Variants in NSD2 observed in about 807,000 individuals in gnomAD.
NSD2 encodes histone-lysine N-methyltransferase NSD2.
A neutral mutation model predicts 139.0 loss-of-function variants in NSD2; 12 were observed. That is an observed-to-expected ratio of 0.09 (90% CI 0.06 to 0.14). The LOEUF is 0.14. NSD2 is among the 10% of genes least tolerant of loss of function. The pLI, the probability that NSD2 is intolerant of heterozygous loss-of-function variation, is 1.00. For missense variants in NSD2, 1,155 were observed against 1,745.0 expected, an observed-to-expected ratio of 0.66 and a Z score of 6.02; for synonymous variants, 669 against 648.7, an observed-to-expected ratio of 1.03 and a Z score of -0.48.
intron 1 of NSD2, among the ~76,000 whole-genome samples, chr4:1,893,536 GT>G (rs1233706276): frequency 6.8e-6 from 1 of 146,280 alleles, no homozygotes; most frequent in Non-Finnish European, 1.5e-5. Flanking sequence ...CTCTTTTTTT[GT>G]TTTTTGTTTT....
In NSD2 at chr4:1,916,954, G is replaced by A. The variant is rs1033486520; in HGVS notation, c.844G>A (p.Val282Ile). 5.0e-6 allele frequency: 8 copies of A among 1,614,126 alleles called. No homozygotes were observed. The highest frequency in any genetic ancestry group is 1.3e-5 in the African/African-American group (1 of 75,030). ...AGCTTGGATATTTGAGAAGAGCCTC[G>A]TAGCTTTTGAAGGAGAAGGACAGTT... The part of the protein sequence containing the change: ...ERAWIFEKSL[V>I]AFEGEGQFEK... Residue 282 changes from valine to isoleucine, a missense_variant, in exon 4 of 22, where the codon GTA becomes ATA. Around this residue, in one of 8 missense-constraint regions of NSD2, gnomAD observed 420 missense variants for 469.0 expected, o/e 0.90. Transcript: ENST00000508803.
In NSD2 at chr4:1,952,100, C is replaced by T; in HGVS notation, c.2014-8C>T. 2 of 1,613,554 alleles carry T rather than the reference C, an allele frequency of 1.2e-6. No individual in the cohort carries two copies. The highest frequency in any genetic ancestry group is 1.7e-6 in the Non-Finnish European group (2 of 1,179,686). Reference sequence around the variant, plus strand: ...GGCGCTGCTTACCCGCCTGCTCTGCCCCCGCAGCTGTGTGAGAAGCCGGGC... The same window carrying T: ...GGCGCTGCTTACCCGCCTGCTCTGCTCCCGCAGCTGTGTGAGAAGCCGGGC... On this transcript the variant is annotated splice_polypyrimidine_tract_variant and splice_region_variant and intron_variant, in intron 10 of 21. Transcript: ENST00000508803.
At chr4:1,934,402 A>T (rs998463708) in intron 6 of NSD2, among the ~76,000 whole-genome samples, 3 of 151,300 alleles carry the variant, frequency 2.0e-5, no homozygotes, top group Non-Finnish European at 4.4e-5. Context: ...AGATTTTTTT[A>T]AAATACTGGG....
At chr4:1,932,848 GGTGCTGTGTCGAGGAT>G (rs1193513452) in intron 6 of NSD2, among the ~76,000 whole-genome samples, 2 of 152,252 alleles carry the variant, frequency 1.3e-5, no homozygotes, top group East Asian at 3.9e-4. Flanking sequence ...GTGCTCAGGA[GGTGCTGTGTCGAGGAT>G]GTGCTGTGTC....
chr4:1,943,818 C>G (rs914907758), intron 9 of NSD2: 213 of 1,062,464 alleles, frequency 2.0e-4, no homozygotes, highest in Non-Finnish European at 2.2e-4. Flanking sequence ...AGTAAAGACT[C>G]TATCTTGAAA....
intron 1 of NSD2, among the ~76,000 whole-genome samples, chr4:1,886,884 T>C (rs970848155): frequency 6.6e-6 from 1 of 152,136 alleles, no homozygotes; most frequent in African/African-American, 2.4e-5. Context: ...AACTTCCAGA[T>C]TGATATATGT....
At chr4:1,947,388 A>G in intron 9 of NSD2, 2 of 1,061,250 alleles carry the variant, frequency 1.9e-6, no homozygotes, top group Non-Finnish European at 2.3e-6. Context: ...GCAGGTTAGA[A>G]GACGACTGTG....
rs997427644 is a variant in NSD2, at chr4:1,945,861, G to A, written c.1882-5211G>A. ...ATAGCGGTAGATGAAAAATAAGGTC[G>A]TTATGACTTTGGCAACTTGCTTCAT... On this transcript the variant is annotated intron_variant, in intron 9 of 21. Transcript: ENST00000508803. 20 of 1,061,136 alleles carry A rather than the reference G, an allele frequency of 1.9e-5. No homozygotes were observed. The South Asian group carries it at 5.5e-4, about 29-fold the overall frequency. The allele number at this position is 1,061,136 out of a possible 1,614,324, so 65.7% of individuals were successfully genotyped here.
chr4:1,872,403 G>T (rs1309196590), intron 1 of NSD2, among the ~76,000 whole-genome samples: 1 of 152,186 alleles, frequency 6.6e-6, no homozygotes, highest in African/African-American at 2.4e-5. Flanking sequence ...AAAAATGCTG[G>T]TCTTAAGTTT....
At chr4:1,903,580 A>G (rs1717477981) in intron 2 of NSD2, among the ~76,000 whole-genome samples, 1 of 152,116 alleles carries the variant, frequency 6.6e-6, no homozygotes, top group African/African-American at 2.4e-5. Flanking sequence ...ATTCTGTGAG[A>G]ATTCCTTTTC....
At chr4:1,883,049 G>T (rs1022877308) in intron 1 of NSD2, among the ~76,000 whole-genome samples, 1 of 152,118 alleles carries the variant, frequency 6.6e-6, no homozygotes, top group Non-Finnish European at 1.5e-5. Flanking sequence ...AGCTAGGAAG[G>T]CCTCTGGAGT....
At chr4:1,969,611 G>T (rs1484164796) in intron 18 of NSD2, among the ~76,000 whole-genome samples, 19 of 151,958 alleles carry the variant, frequency 1.3e-4, no homozygotes, top group Non-Finnish European at 1.5e-5. Flanking sequence ...GGAGGCTGAG[G>T]TGGGAGTATC....
At chr4:1,959,445 C>T in intron 16 of NSD2, 26 bp from the exon 17 acceptor site, 1 of 1,606,112 alleles carries the variant, frequency 6.2e-7, no homozygotes, top group Non-Finnish European at 8.5e-7. Flanking sequence ...ATGTGTGGAC[C>T]AAGACAGCTT....
intron 18 of NSD2, among the ~76,000 whole-genome samples, chr4:1,970,189 C>T (rs994228601): frequency 1.3e-5 from 2 of 152,128 alleles, no homozygotes; most frequent in Non-Finnish European, 2.9e-5. Context: ...GATTACTGGA[C>T]GCAACCAAGA....
intron 1 of NSD2, among the ~76,000 whole-genome samples, chr4:1,872,587 T>TGAGAGAGA (rs1308253764): frequency 1.2e-3 from 59 of 50,092 alleles, no homozygotes; most frequent in Middle Eastern, 9.1e-3. Flanking sequence ...TGTGTGTGTG[T>TGAGAGAGA]GTGTGAGAGA....
Position 1,972,818 on chromosome 4 carries a change from T to C in NSD2, c.3373-2045T>C, listed in dbSNP as rs141196625. Among the ~76,000 whole-genome samples the C allele has an allele frequency of 9.5e-3, 1,439 of 152,254 alleles. 20 individuals are homozygous for C. Among genetic ancestry groups the C allele is most frequent in the African/African-American group, 0.031 (1,279 of 41,538 alleles). On this transcript the variant is annotated intron_variant, in intron 18 of 21. Transcript: ENST00000508803. The surrounding 1 kb of genome is among the most constrained non-coding windows in gnomAD (Gnocchi z 4.0). ...AAGACATTGTGCACGGAAGATTCCA[T>C]TGGGAGCTGGGAAGCTATGGGAAAG... is the stretch of plus-strand genomic sequence containing the variant.
In NSD2 at chr4:1,976,769, C is replaced by T; in HGVS notation, c.3826+90C>T. The T allele has an allele frequency of 7.2e-7, 1 of 1,385,016 alleles. No individual in the cohort carries two copies. Among genetic ancestry groups the T allele is most frequent in the Non-Finnish European group, 9.7e-7 (1 of 1,029,190 alleles). 85.8% of individuals were successfully genotyped at this position (1,385,016 alleles called of 1,614,324 possible). A position where few individuals can be genotyped will look rare whatever the true frequency, so the allele number is the denominator to read the frequency against. ...CTGCCGCTCTTCCTGCTGACCGGGC[C>T]TCATCTGGGTGCAGGCACATCAGGC... On this transcript the variant is annotated intron_variant, in intron 21 of 21. Transcript: ENST00000508803. This position sits in a 1 kb window ranked among gnomAD's most constrained non-coding sequence, Gnocchi z 5.3.
chr4:1,962,956 A>G (rs983074867), intron 18 of NSD2, among the ~76,000 whole-genome samples: 9 of 152,180 alleles, frequency 5.9e-5, no homozygotes, highest in African/African-American at 1.9e-4. Flanking sequence ...CTAGCAGCAC[A>G]TTCCTCTCAG....
At chr4:1,934,909 A>ATATATATATATATATATAT (rs1491516751) in intron 6 of NSD2, among the ~76,000 whole-genome samples, 2 of 117,500 alleles carry the variant, frequency 1.7e-5, no homozygotes, top group Non-Finnish European at 3.5e-5. Context: ...ATATATATAT[A>ATATATATATATATATATAT]AAAAACAGAT....
Sources: gnomAD v4.1 joint callset for allele counts (sites outside exome capture counted in the v4.1 genomes callset) on GRCh38, gnomAD v4.1.1 for gene constraint, gnomAD v4.1.1 regional missense constraint, Gnocchi (gnomAD v3.1) non-coding constraint, MANE v1.5 for transcripts, NCBI Gene and HGNC (gene_info 2026-07-23, HGNC 2026-07-21) for gene names.